The following BARX2 variants were observed in gnomAD, a reference collection of about 807,000 sequenced individuals.
BARX2 encodes the protein homeobox protein BarH-like 2.
BARX2 carries 11 observed loss-of-function variants against 25.5 expected under a neutral mutation model. The ratio of observed to expected loss-of-function variants is 0.43; its 90% CI spans 0.27 to 0.71. The LOEUF (loss-of-function observed/expected upper bound fraction) is 0.71. Ranked by LOEUF, BARX2 falls within the 30% of genes least tolerant of loss-of-function variation. The pLI, the probability that BARX2 is intolerant of heterozygous loss-of-function variation, is 0.19. For synonymous variants in BARX2, 137 were observed against 149.5 expected, an observed-to-expected ratio of 0.92 and a Z score of 0.61; for missense variants, 360 against 359.9, an observed-to-expected ratio of 1.00 and a Z score of 0.00.
At chr11:129,381,431 G>A (rs1033317124) in intron 1 of BARX2, among the ~76,000 whole-genome samples, 1 of 152,098 alleles carries the variant, frequency 6.6e-6, no homozygotes, top group African/African-American at 2.4e-5. Flanking sequence ...TAGTGTATGT[G>A]AGAGGCAGCT....
At chr11:129,401,304 GAC>G (rs35843387) in intron 1 of BARX2, among the ~76,000 whole-genome samples, 14,006 of 152,194 alleles carry the variant, frequency 0.092, 827 homozygotes, top group East Asian at 0.29. Context: ...GCAGAGACTT[GAC>G]CACCTGTTTT....
chr11:129,385,052 G>A (rs1057115040), intron 1 of BARX2, among the ~76,000 whole-genome samples: 1 of 152,176 alleles, frequency 6.6e-6, no homozygotes, highest in Non-Finnish European at 1.5e-5. Context: ...CAGTAAACAT[G>A]AAAGGATGCT....
At chr11:129,433,208 C>G (rs932283602) in intron 1 of BARX2, among the ~76,000 whole-genome samples, 3 of 152,152 alleles carry the variant, frequency 2.0e-5, no homozygotes, top group Admixed American at 2.0e-4. Context: ...TTGCTAAGAC[C>G]AAAACGTCAG....
rs1861504693 is a variant in BARX2 at position 129,376,396 on chromosome 11, A to G, written c.187+174A>G. Among the ~76,000 whole-genome samples, 1 of 152,218 alleles carries G rather than the reference A, an allele frequency of 6.6e-6. No individual in the cohort carries two copies. Among genetic ancestry groups the G allele is most frequent in the Admixed American group, 6.5e-5 (1 of 15,284 alleles). ...ATCTGCGACGTGGCCGGGAAGGACC[A>G]CGCAAGGTGTGGATGGCACGAGTGG... is the stretch of plus-strand genomic sequence containing the variant. On this transcript the variant is annotated intron_variant, in intron 1 of 3. Coordinates refer to ENST00000281437, the MANE Select transcript of BARX2 (RefSeq NM_003658.5). The surrounding 1 kb of genome is among the most constrained non-coding windows in gnomAD (Gnocchi z 4.2).
At chr11:129,434,196 C>T (rs1372875990) in intron 1 of BARX2, among the ~76,000 whole-genome samples, 1 of 151,000 alleles carries the variant, frequency 6.6e-6, no homozygotes, top group Non-Finnish European at 1.5e-5. Context: ...TAGGTATTTT[C>T]TCGTATTAGT....
At chr11:129,416,623 T>A (rs147202043) in intron 1 of BARX2, among the ~76,000 whole-genome samples, 24 of 152,284 alleles carry the variant, frequency 1.6e-4, no homozygotes, top group African/African-American at 5.5e-4. Flanking sequence ...CTCCTTGAAC[T>A]CTGACCTGCT....
chr11:129,433,516 A>G (rs1187298730), intron 1 of BARX2, among the ~76,000 whole-genome samples: 1 of 152,144 alleles, frequency 6.6e-6, no homozygotes, highest in Non-Finnish European at 1.5e-5. Context: ...GGCCCTGCGT[A>G]ATCGGGCTCC....
Position 129,449,604 on chromosome 11 carries a change from G to C in BARX2, c.574-1532G>C, listed in dbSNP as rs76624080. On this transcript the variant is annotated intron_variant, in intron 3 of 3. Coordinates refer to ENST00000281437, the MANE Select transcript of BARX2 (RefSeq NM_003658.5). ...AATATTTTTAAAATTATCCCTGTCT[G>C]CCTCCTGGGACTCTTGTGTGGGTCA... Among the ~76,000 whole-genome samples the C allele has an allele frequency of 3.6e-3, 553 of 152,250 alleles. 2 individuals carry two copies. Among genetic ancestry groups the C allele is most frequent in the African/African-American group, 0.013 (532 of 41,552 alleles).
At position 129,416,711 on chromosome 11, in the gene BARX2, A is replaced by C. The variant is rs140523785; in HGVS notation, c.188-20040A>C. 6.3e-3 allele frequency among the ~76,000 whole-genome samples: 958 copies of C among 152,118 alleles called. 13 individuals are homozygous for C. Among genetic ancestry groups the C allele is most frequent in the African/African-American group, 0.022 (923 of 41,484 alleles). ...ATTTAAATACTACCTTAGAGATGTG[A>C]AAACTTGAACCTGACTCTCATAGCT... On this transcript the variant is annotated intron_variant, in intron 1 of 3. Coordinates refer to ENST00000281437, the MANE Select transcript of BARX2 (RefSeq NM_003658.5).
chr11:129,427,040 T>C (rs1446864603), intron 1 of BARX2, among the ~76,000 whole-genome samples: 1 of 152,230 alleles, frequency 6.6e-6, no homozygotes, highest in African/African-American at 2.4e-5. Context: ...GATAAGAAGA[T>C]ACGTATGCAT....
chr11:129,429,119 C>T (rs1200298966), intron 1 of BARX2, among the ~76,000 whole-genome samples: 1 of 151,424 alleles, frequency 6.6e-6, no homozygotes, highest in African/African-American at 2.4e-5. Flanking sequence ...TTTCAGCCTA[C>T]TAAAGGATAG....
In BARX2 at chr11:129,394,406, G is replaced by T. The variant is rs532818820; in HGVS notation, c.187+18184G>T. Among the ~76,000 whole-genome samples, 17 of 152,348 alleles carry T rather than the reference G, an allele frequency of 1.1e-4. No homozygotes were observed. In the East Asian group the frequency reaches 3.3e-3, roughly 29 times the overall value. ...AAATAGTTTTTCTATGAGAAAAATA[G>T]TTCTACAGTTTAATGAAAATTGTAA... On this transcript the variant is annotated intron_variant, in intron 1 of 3. Coordinates refer to ENST00000281437, the MANE Select transcript of BARX2 (RefSeq NM_003658.5).
intron 2 of BARX2, among the ~76,000 whole-genome samples, chr11:129,441,839 T>C (rs1862264198): frequency 6.6e-6 from 1 of 152,162 alleles, no homozygotes; most frequent in African/African-American, 2.4e-5. Flanking sequence ...AAGCCTCAAC[T>C]CTCTTATCTG....
chr11:129,430,598 A>G (rs1485787940), intron 1 of BARX2, among the ~76,000 whole-genome samples: 1 of 152,142 alleles, frequency 6.6e-6, no homozygotes, highest in Non-Finnish European at 1.5e-5. Flanking sequence ...CAAATGCAAA[A>G]AATTATATAA....
intron 1 of BARX2, among the ~76,000 whole-genome samples, chr11:129,409,219 C>T (rs547889597): frequency 5.8e-4 from 88 of 152,290 alleles, no homozygotes; most frequent in Non-Finnish European, 1.0e-3. Context: ...CTCAGGCGAG[C>T]GATTCATGTT....
At chr11:129,442,642 T>A in intron 2 of BARX2, 193 bp from the exon 3 acceptor site, 3 of 632,418 alleles carry the variant, frequency 4.7e-6, no homozygotes, top group Non-Finnish European at 5.8e-6. Flanking sequence ...CATCTGTTTC[T>A]CAGCTTCCCA....
chr11:129,414,652 A>G (rs968872208), intron 1 of BARX2, among the ~76,000 whole-genome samples: 1 of 152,194 alleles, frequency 6.6e-6, no homozygotes, highest in Non-Finnish European at 1.5e-5. Context: ...TTACATGCAA[A>G]TGACAGCACT....
In BARX2 at chr11:129,390,064, T is replaced by A. The variant is rs545024269; in HGVS notation, c.187+13842T>A. On this transcript the variant is annotated intron_variant, in intron 1 of 3. Transcript: ENST00000281437. This position sits in a 1 kb window ranked among gnomAD's most constrained non-coding sequence, Gnocchi z 4.3. Reference sequence around the variant, plus strand: ...AGCTGGTCACTAGTGTCTTATGAAGTTTAGTATCTGCTGGTGAAATACTTT... The same window carrying A: ...AGCTGGTCACTAGTGTCTTATGAAGATTAGTATCTGCTGGTGAAATACTTT... Among the ~76,000 whole-genome samples the A allele has an allele frequency of 5.3e-5, 8 of 152,210 alleles. 1 individual carries two copies. Among genetic ancestry groups the A allele is most frequent in the Admixed American group, 4.6e-4 (7 of 15,282 alleles).
At chr11:129,414,985 G>T (rs964614262) in intron 1 of BARX2, among the ~76,000 whole-genome samples, 10 of 152,108 alleles carry the variant, frequency 6.6e-5, no homozygotes, top group Non-Finnish European at 1.5e-4. Context: ...AAAAGTTGTG[G>T]TAAGTAGTGC....
Sources: allele counts gnomAD v4.1 joint callset (sites outside exome capture counted in the v4.1 genomes callset), GRCh38; gene constraint gnomAD v4.1.1; non-coding constraint Gnocchi (gnomAD v3.1); transcripts MANE v1.5; gene names NCBI Gene and HGNC (gene_info 2026-07-23, HGNC 2026-07-21).